ATP10B: variants seen among roughly 807,000 people sequenced by gnomAD.
ATP10B encodes the protein ATPase phospholipid transporting 10B (putative).
ATP10B carries 122 observed loss-of-function variants against 141.2 expected under a neutral mutation model. The observed-to-expected ratio is 0.86, with a 90% CI of 0.75 to 1.00. The LOEUF is 1.00. ATP10B is among the 50% of genes least tolerant of loss of function. ATP10B has a pLI of 0.00. For missense variants in ATP10B, 1,876 were observed against 1,825.3 expected, an observed-to-expected ratio of 1.03 and a Z score of -0.51; for synonymous variants, 685 against 692.0, an observed-to-expected ratio of 0.99 and a Z score of 0.16.
rs200584207 is a variant in ATP10B at position 160,617,942 on chromosome 5, T to C, written c.2448A>G (p.Arg816=). The change falls in exon 16 of 26, where the codon AGA becomes AGG. Residue 816 remains arginine, a synonymous_variant. Coordinates refer to ENST00000327245, the MANE Select transcript of ATP10B (RefSeq NM_025153.3). Reference sequence around the variant, plus strand: ...GCTTTTGGGTCCGGGCTCGGATTTTTCTCAGCTTCTTTTCCATATTAATGT... The same window carrying C: ...GCTTTTGGGTCCGGGCTCGGATTTTCCTCAGCTTCTTTTCCATATTAATGT... ...VPDINMEKKL[R]KIRARTQKHL... 22 of 1,614,228 alleles carry C rather than the reference T, an allele frequency of 1.4e-5. No homozygotes were observed. The Admixed American group carries it at 1.7e-4, about 12-fold the overall frequency.
intron 6 of ATP10B, among the ~76,000 whole-genome samples, chr5:160,674,811 A>G (rs1290271124): frequency 6.6e-6 from 1 of 152,168 alleles, no homozygotes; most frequent in Non-Finnish European, 1.5e-5. Context: ...TAGTTTGGCC[A>G]GTACAAAATT....
At chr5:160,702,792 T>G (rs559678019) in intron 3 of ATP10B, among the ~76,000 whole-genome samples, 121 of 152,274 alleles carry the variant, frequency 7.9e-4, no homozygotes, top group African/African-American at 2.6e-3. Context: ...AAGATACTTG[T>G]AACAGGATGC....
Position 160,565,900 on chromosome 5 carries a change from T to A in ATP10B, c.3939A>T (p.Arg1313Ser), listed in dbSNP as rs752522503. 1 of 1,605,536 alleles carries A rather than the reference T, an allele frequency of 6.2e-7. No homozygotes were observed. Among genetic ancestry groups the A allele is most frequent in the Non-Finnish European group, 8.5e-7 (1 of 1,177,128 alleles). Residue 1313 changes from arginine (R) to serine (S), a missense_variant and splice_region_variant, in exon 26 of 26, where the codon AGA becomes AGT. Coordinates refer to ENST00000327245, the MANE Select transcript of ATP10B (RefSeq NM_025153.3). ...FLTPVVALLPRYFFLSLQGTC... is the reference protein window; with the variant it reads ...FLTPVVALLPSYFFLSLQGTC... ...TTCCTTGCAGAGACAGGAAAAAGTATCTGGTGGGAAACAACAGAATAAAGA... is the reference window on the plus strand; with the variant it reads ...TTCCTTGCAGAGACAGGAAAAAGTAACTGGTGGGAAACAACAGAATAAAGA...
At chr5:160,911,420 T>C in the ATP10B span, among the ~76,000 whole-genome samples, 1 of 152,248 alleles carries the variant, frequency 6.6e-6, no homozygotes, top group Admixed American at 6.5e-5. Flanking sequence ...TTAACTCAAA[T>C]AGAATTACAA....
intron 2 of ATP10B, among the ~76,000 whole-genome samples, chr5:160,735,853 G>A (rs1767081237): frequency 6.6e-6 from 1 of 152,030 alleles, no homozygotes; most frequent in South Asian, 2.1e-4. Flanking sequence ...TGGAAACTTT[G>A]TAAACACAGG....
At chr5:160,831,171 A>G (rs1775054003) in intron 1 of ATP10B, among the ~76,000 whole-genome samples, 1 of 151,916 alleles carries the variant, frequency 6.6e-6, no homozygotes, top group African/African-American at 2.4e-5. Context: ...AATGGAGAAA[A>G]TAATAGTATT....
At position 160,755,822 on chromosome 5, in the gene ATP10B, AAAAAAAAAAAAAAAAAATATATATATAT is replaced by A. The variant is rs1186401055; in HGVS notation, c.-331+29709_-331+29736del. 2.8e-4 allele frequency among the ~76,000 whole-genome samples: 16 copies of A among 56,572 alleles called. 1 individual carries two copies. Among genetic ancestry groups the A allele is most frequent in the Admixed American group, 1.3e-3 (5 of 3,728 alleles). The allele number at this position is 56,572 out of a possible 152,430, so 37.1% of individuals were successfully genotyped here. The stretch of plus-strand genomic sequence containing the variant: ...AGAGCGAGACTCCGTCTCAAAAAAA[AAAAAAAAAAAAAAAAAATATATATATAT>A]ATATATATATATATATATATATATA... On this transcript the variant is annotated intron_variant, in intron 2 of 25. Coordinates refer to ENST00000327245, the MANE Select transcript of ATP10B (RefSeq NM_025153.3).
At chr5:160,689,219 A>C (rs1175877406) in intron 3 of ATP10B, among the ~76,000 whole-genome samples, 1 of 152,236 alleles carries the variant, frequency 6.6e-6, no homozygotes, top group Non-Finnish European at 1.5e-5. Context: ...GTATTGATGG[A>C]AAGTATCTCG....
At position 160,565,571 on chromosome 5, in the gene ATP10B, G is replaced by C; in HGVS notation, c.4268C>G (p.Ser1423Cys). ...GTTAGGTCCCAGCAGGTGCTCCCCG[G>C]ATGAGAGTTGAGCTGAGGAGTCCCC... Reference protein sequence around the residue: ...CSGDSSAQLSSGEHLLGPNRI... With the variant: ...CSGDSSAQLSCGEHLLGPNRI... Residue 1423 changes from serine (S) to cysteine (C), a missense_variant, in exon 26 of 26, where the codon TCC becomes TGC. By Grantham distance (112) the Ser-to-Cys change is moderately radical. Transcript: ENST00000327245. 1 of 1,614,112 alleles carries C rather than the reference G, an allele frequency of 6.2e-7. No individual in the cohort carries two copies. Among genetic ancestry groups the C allele is most frequent in the Non-Finnish European group, 8.5e-7 (1 of 1,179,976 alleles).
At chr5:160,837,550 TATG>T (rs1775526800) in intron 1 of ATP10B, among the ~76,000 whole-genome samples, 1 of 152,056 alleles carries the variant, frequency 6.6e-6, no homozygotes, top group Non-Finnish European at 1.5e-5. Flanking sequence ...TCTACCAAAA[TATG>T]ATTTTTTTCA....
intron 8 of ATP10B, among the ~76,000 whole-genome samples, chr5:160,644,749 C>T (rs1033733953): frequency 6.6e-6 from 1 of 152,112 alleles, no homozygotes; most frequent in Non-Finnish European, 1.5e-5. Context: ...TGGGAATTAT[C>T]CATGCCTGTC....
chr5:160,566,909 T>C (rs1581123784), intron 25 of ATP10B, among the ~76,000 whole-genome samples: 2 of 152,194 alleles, frequency 1.3e-5, no homozygotes, highest in South Asian at 4.1e-4. Context: ...ATTCTTCCAC[T>C]ATGTCTAAAA....
At chr5:160,898,377 A>C in the ATP10B span, among the ~76,000 whole-genome samples, 2 of 152,356 alleles carry the variant, frequency 1.3e-5, no homozygotes, top group African/African-American at 4.8e-5. Flanking sequence ...TTATGCAGTC[A>C]ACAAACATAT....
chr5:160,686,934 A>G, intron 5 of ATP10B: 4 of 985,160 alleles, frequency 4.1e-6, no homozygotes, highest in Non-Finnish European at 4.8e-6. Flanking sequence ...GATCTCATAC[A>G]TTATCTCAAA....
chr5:160,737,842 G>A (rs1176873881), intron 2 of ATP10B, among the ~76,000 whole-genome samples: 1 of 151,946 alleles, frequency 6.6e-6, no homozygotes, highest in East Asian at 1.9e-4. Flanking sequence ...AAATTAATGG[G>A]GAGAAAGACA....
At chr5:160,857,697 C>T in the ATP10B span, among the ~76,000 whole-genome samples, 8 of 151,752 alleles carry the variant, frequency 5.3e-5, no homozygotes, top group Admixed American at 2.0e-4. Flanking sequence ...ATTAATTTTA[C>T]TGTGTTGTAT....
intron 22 of ATP10B, among the ~76,000 whole-genome samples, chr5:160,591,918 T>G (rs1431133366): frequency 6.6e-6 from 1 of 152,296 alleles, no homozygotes; most frequent in East Asian, 1.9e-4. Flanking sequence ...GGGCTTGCTG[T>G]TAGTCTATAA....
chr5:160,586,127 T>C (rs1017304007), intron 24 of ATP10B, among the ~76,000 whole-genome samples: 1 of 152,154 alleles, frequency 6.6e-6, no homozygotes, highest in Non-Finnish European at 1.5e-5. Context: ...CTCCCTCCGC[T>C]TGTTCCCCAC....
chr5:160,687,653 T>C (rs1763839278), intron 5 of ATP10B, 147 bp downstream of exon 5: 1 of 951,964 alleles, frequency 1.1e-6, no homozygotes. Flanking sequence ...TGGTCCCAGC[T>C]ATTTGGGAGG....
Sources: gnomAD v4.1 joint callset for allele counts (sites outside exome capture counted in the v4.1 genomes callset) on GRCh38, gnomAD v4.1.1 for gene constraint, MANE v1.5 for transcripts, NCBI Gene and HGNC (gene_info 2026-07-23, HGNC 2026-07-21) for gene names.